The following NELL1 variants were observed in gnomAD, a reference collection of about 807,000 sequenced individuals.
NELL1 encodes the protein neural EGFL like 1, also known as protein kinase C-binding protein NELL1.
A neutral mutation model predicts 107.4 loss-of-function variants in NELL1; 76 were observed. The ratio of observed to expected loss-of-function variants is 0.71; its 90% CI spans 0.59 to 0.86. The LOEUF (loss-of-function observed/expected upper bound fraction) is 0.86, where lower values mean the gene tolerates loss of function less well. Ranked by LOEUF, NELL1 falls within the 40% of genes least tolerant of loss-of-function variation. The pLI, the probability that NELL1 is intolerant of heterozygous loss-of-function variation, is 0.00. For synonymous variants in NELL1, 353 were observed against 341.2 expected (o/e 1.03, Z -0.38); for missense variants, 1,024 against 1,005.5 (o/e 1.02, Z -0.25).
chr11:20,743,345 T>C (rs1278136060), intron 2 of NELL1, among the ~76,000 whole-genome samples: 9 of 151,392 alleles, frequency 5.9e-5, no homozygotes, highest in Non-Finnish European at 1.3e-4. Context: ...AGAGTGAGAC[T>C]CTGTCTTAAA....
intron 14 of NELL1, among the ~76,000 whole-genome samples, chr11:21,360,741 T>C (rs1254892510): frequency 2.0e-5 from 3 of 152,176 alleles, no homozygotes; most frequent in African/African-American, 7.2e-5. Context: ...TTGTTTTAAT[T>C]GTTATTGCTT....
chr11:20,752,250 T>A (rs111985724), intron 2 of NELL1, among the ~76,000 whole-genome samples: 1 of 152,148 alleles, frequency 6.6e-6, no homozygotes, highest in Non-Finnish European at 1.5e-5. Context: ...GCTGAGAGAT[T>A]TAAAAAATAA....
At chr11:20,687,464 G>A (rs1854335431) in intron 2 of NELL1, among the ~76,000 whole-genome samples, 1 of 151,820 alleles carries the variant, frequency 6.6e-6, no homozygotes, top group South Asian at 2.1e-4. Flanking sequence ...TTTTATGAAT[G>A]GCTATGTATA....
At chr11:21,531,203 T>C (rs141457849) in intron 15 of NELL1, among the ~76,000 whole-genome samples, 20 of 152,284 alleles carry the variant, frequency 1.3e-4, no homozygotes, top group Admixed American at 5.2e-4. Context: ...ATATAGTTCT[T>C]CCCTTTGATT....
intron 14 of NELL1, among the ~76,000 whole-genome samples, chr11:21,306,468 T>C (rs1373994622): frequency 6.6e-6 from 1 of 152,088 alleles, no homozygotes; most frequent in Admixed American, 6.6e-5. Context: ...ATAATAATGA[T>C]GATGGAAAGT....
At chr11:21,169,611 C>T (rs775602907) in intron 13 of NELL1, 10 of 347,164 alleles carry the variant, frequency 2.9e-5, no homozygotes, top group Admixed American at 4.8e-5. Context: ...CTTTATTTTG[C>T]ATGCATTCTT....
intron 14 of NELL1, among the ~76,000 whole-genome samples, chr11:21,275,639 CA>C (rs1701721461): frequency 6.6e-6 from 1 of 152,104 alleles, no homozygotes; most frequent in Admixed American, 6.5e-5. Context: ...AACATCAATG[CA>C]AAAATCCTCA....
At chr11:21,567,127 G>A (rs971918164) in intron 17 of NELL1, among the ~76,000 whole-genome samples, 1 of 151,774 alleles carries the variant, frequency 6.6e-6, no homozygotes, top group Non-Finnish European at 1.5e-5. Context: ...CAGACATGCT[G>A]GTTCCTAAGG....
chr11:21,342,331 G>C (rs927726640), intron 14 of NELL1, among the ~76,000 whole-genome samples: 2 of 149,368 alleles, frequency 1.3e-5, no homozygotes, highest in African/African-American at 4.9e-5. Context: ...TTACTTATCT[G>C]TTTATAGCAA....
At chr11:21,554,052 C>T (rs1166443565) in intron 16 of NELL1, among the ~76,000 whole-genome samples, 1 of 151,732 alleles carries the variant, frequency 6.6e-6, no homozygotes, top group Non-Finnish European at 1.5e-5. Flanking sequence ...AATACTGTAG[C>T]CTCTGTGCAG....
Position 21,403,177 on chromosome 11 carries a change from G to A in NELL1, c.1645+32229G>A, listed in dbSNP as rs528293068. Among the ~76,000 whole-genome samples, 93 of 151,790 alleles carry A rather than the reference G, an allele frequency of 6.1e-4. 3 individuals are homozygous for A. The highest frequency in any genetic ancestry group is 2.1e-3 in the African/African-American group (88 of 41,336). On this transcript the variant is annotated intron_variant, in intron 15 of 19. Transcript: ENST00000357134. The stretch of plus-strand genomic sequence containing the variant: ...AACCCTATGCAGAGCCCCTATTTTA[G>A]AGACTGGTAGGAATTCAATCTTTAC...
intron 3 of NELL1, among the ~76,000 whole-genome samples, chr11:20,813,547 T>C (rs1233648810): frequency 6.6e-6 from 1 of 152,238 alleles, no homozygotes; most frequent in African/African-American, 2.4e-5. Flanking sequence ...CTCTCAGCTT[T>C]GGGAATATGG....
chr11:21,566,010 T>TA (rs1856965302), intron 17 of NELL1, among the ~76,000 whole-genome samples: 3 of 151,954 alleles, frequency 2.0e-5, no homozygotes, highest in African/African-American at 7.2e-5. Context: ...GTTTTTTTCT[T>TA]TAAAGAGTCA....
At chr11:21,011,061 T>C (rs149200622) in intron 12 of NELL1, among the ~76,000 whole-genome samples, 2 of 152,230 alleles carry the variant, frequency 1.3e-5, no homozygotes, top group East Asian at 3.9e-4. Flanking sequence ...TTTACAGACA[T>C]TTTCTAGCTT....
intron 13 of NELL1, among the ~76,000 whole-genome samples, chr11:21,151,210 C>T (rs1487219521): frequency 6.6e-6 from 1 of 152,126 alleles, no homozygotes; most frequent in East Asian, 1.9e-4. Context: ...TAGCTAGGCT[C>T]TGTTTCACTG....
At chr11:21,498,980 T>C (rs1437845150) in intron 15 of NELL1, among the ~76,000 whole-genome samples, 1 of 152,102 alleles carries the variant, frequency 6.6e-6, no homozygotes, top group Non-Finnish European at 1.5e-5. Flanking sequence ...GTATCATTCA[T>C]TAACATTTTT....
intron 13 of NELL1, among the ~76,000 whole-genome samples, chr11:21,147,836 CAAAAAAAAAAA>C (rs35688285): frequency 6.9e-5 from 2 of 28,804 alleles, no homozygotes; most frequent in African/African-American, 1.2e-4. Flanking sequence ...AACTCCGTCT[CAAAAAAAAAAA>C]AAAAAAAAAA....
At chr11:21,027,803 AC>A (rs1852854015) in intron 12 of NELL1, among the ~76,000 whole-genome samples, 2 of 152,180 alleles carry the variant, frequency 1.3e-5, no homozygotes, top group South Asian at 4.1e-4. Flanking sequence ...TGAAACCTTA[AC>A]AATCTGGAAC....
chr11:21,407,577 T>A (rs916769946), intron 15 of NELL1, among the ~76,000 whole-genome samples: 5 of 151,778 alleles, frequency 3.3e-5, no homozygotes, highest in Non-Finnish European at 7.4e-5. Flanking sequence ...ACAGCCCAAC[T>A]CTAGTTACTT....
Sources: allele counts gnomAD v4.1 joint callset (sites outside exome capture counted in the v4.1 genomes callset), GRCh38; gene constraint gnomAD v4.1.1; transcripts MANE v1.5; gene names NCBI Gene and HGNC (gene_info 2026-07-23, HGNC 2026-07-21).